GDF1: variants seen among roughly 807,000 people sequenced by gnomAD.
GDF1 encodes the protein growth differentiation factor 1.
Under a neutral mutation model 7.4 loss-of-function variants are expected in GDF1, and 8 were observed. The ratio of observed to expected loss-of-function variants is 1.09; its 90% CI spans 0.64 to 1.96. GDF1 has a LOEUF of 1.96. Ranked by LOEUF, GDF1 falls within the 30% of genes most tolerant of loss-of-function variation. The pLI, the probability that GDF1 is intolerant of heterozygous loss-of-function variation, is 0.00. For synonymous variants in GDF1, 311 were observed against 276.7 expected (o/e 1.12, Z -1.23); for missense variants, 574 against 551.5 (o/e 1.04, Z -0.41).
rs1329759247 is a variant in GDF1 at position 18,869,333 on chromosome 19, G to C, written c.383C>G (p.Thr128Arg). Reference protein sequence around the residue: ...ASAAGHCPEWTVVFDLSAVEP... With the variant: ...ASAAGHCPEWRVVFDLSAVEP... Reference sequence around the variant, plus strand: ...CACAGCCGACAGGTCGAAGACGACTGTCCACTCAGGGCAATGCCCCGCGGC... The same window carrying C: ...CACAGCCGACAGGTCGAAGACGACTCTCCACTCAGGGCAATGCCCCGCGGC... Residue 128 changes from threonine to arginine, a missense_variant, in exon 8 of 8, where the codon ACA becomes AGA. Transcript: ENST00000247005. 6.5e-7 allele frequency: 1 copy of C among 1,528,982 alleles called. No individual in the cohort carries two copies. Among genetic ancestry groups the C allele is most frequent in the Non-Finnish European group, 8.7e-7 (1 of 1,145,096 alleles). The allele number at this position is 1,528,982 out of a possible 1,614,324, so 94.7% of individuals were successfully genotyped here.
intron 6 of GDF1, among the ~76,000 whole-genome samples, chr19:18,871,223 A>AT (rs572877061): frequency 0.017 from 1,988 of 119,752 alleles, 38 homozygotes; most frequent in African/African-American, 0.048. Context: ...ACTCCCAGCA[A>AT]TTTTTTTTTT....
At position 18,878,548 on chromosome 19, in the gene GDF1, A is replaced by C; in HGVS notation, c.-313+382T>G. On this transcript the variant is annotated intron_variant, in intron 6 of 7. Coordinates refer to ENST00000247005, the MANE Select transcript of GDF1 (RefSeq NM_001492.6). This position sits in a 1 kb window ranked among gnomAD's most constrained non-coding sequence, Gnocchi z 4.6. ...TTCCTTCCTCCCCAGCCCCACTGCCACCAGCTCCAGTGGCGACATGGGTCA... is the reference window on the plus strand; with the variant it reads ...TTCCTTCCTCCCCAGCCCCACTGCCCCCAGCTCCAGTGGCGACATGGGTCA... 1 of 1,029,310 alleles carries C rather than the reference A, an allele frequency of 9.7e-7. No individual in the cohort carries two copies. Among genetic ancestry groups the C allele is most frequent in the African/African-American group, 1.7e-5 (1 of 58,400 alleles). The allele number at this position is 1,029,310 out of a possible 1,614,324, so 63.8% of individuals were successfully genotyped here.
In GDF1 at chr19:18,878,535, C is replaced by T; in HGVS notation, c.-313+395G>A. 10 of 1,032,412 alleles carry T rather than the reference C, an allele frequency of 9.7e-6. No individual in the cohort carries two copies. The highest frequency in any genetic ancestry group is 1.2e-5 in the Non-Finnish European group (10 of 857,340). The allele number at this position is 1,032,412 out of a possible 1,614,324, so 64.0% of individuals were successfully genotyped here. A position where few individuals can be genotyped will look rare whatever the true frequency, so the allele number is the denominator to read the frequency against. The stretch of plus-strand genomic sequence containing the variant: ...GTGGCCCTTGGCGTTCCTTCCTCCC[C>T]AGCCCCACTGCCACCAGCTCCAGTG... On this transcript the variant is annotated intron_variant, in intron 6 of 7. Transcript: ENST00000247005. This position sits in a 1 kb window ranked among gnomAD's most constrained non-coding sequence, Gnocchi z 4.6.
chr19:18,878,083 C>T lies in GDF1; in HGVS notation c.-313+847G>A. On this transcript the variant is annotated intron_variant, in intron 6 of 7. Coordinates refer to ENST00000247005, the MANE Select transcript of GDF1 (RefSeq NM_001492.6). The surrounding 1 kb of genome is among the most constrained non-coding windows in gnomAD (Gnocchi z 4.6). ...CCGTTCCAAAAAACGTCACGGAGCTCTGAGCCACTGCTTCCCTGAAACCAT... is the reference window on the plus strand; with the variant it reads ...CCGTTCCAAAAAACGTCACGGAGCTTTGAGCCACTGCTTCCCTGAAACCAT... 1 of 985,572 alleles carries T rather than the reference C, an allele frequency of 1.0e-6. No individual in the cohort carries two copies. The highest frequency in any genetic ancestry group is 1.2e-6 in the Non-Finnish European group (1 of 829,998). The allele number at this position is 985,572 out of a possible 1,614,324, so 61.1% of individuals were successfully genotyped here.
intron 6 of GDF1, among the ~76,000 whole-genome samples, chr19:18,875,489 GC>G (rs1383438958): frequency 2.0e-5 from 3 of 150,684 alleles, no homozygotes; most frequent in African/African-American, 7.3e-5. Flanking sequence ...GTTGCAGTGA[GC>G]TGAGATCACA....
intron 6 of GDF1, among the ~76,000 whole-genome samples, chr19:18,876,536 T>TTGTGTGTGTGTGTG (rs60266196): frequency 5.0e-4 from 72 of 143,274 alleles, no homozygotes; most frequent in African/African-American, 1.8e-3. Flanking sequence ...TTTGATTGGG[T>TTGTGTGTGTGTGTG]TGTGTGTGTG....
At chr19:18,884,988 T>C (rs1334611605) in intron 2 of GDF1, among the ~76,000 whole-genome samples, 2 of 152,106 alleles carry the variant, frequency 1.3e-5, no homozygotes, top group African/African-American at 2.4e-5. Context: ...AGTGCTGGGA[T>C]TACAGGCGTG....
Position 18,870,284 on chromosome 19 carries a change from G to C in GDF1, c.24C>G (p.Pro8=). The C allele has an allele frequency of 1.3e-6, 2 of 1,548,948 alleles. No homozygotes were observed. The highest frequency in any genetic ancestry group is 1.7e-6 in the Non-Finnish European group (2 of 1,148,516). The part of the protein sequence containing the change: MPPPQQG[P]CGHHLLLLLA... ...GGAGGAGGAGGAGGTGGTGGCCGCAGGGACCTTGCTGCGGCGGTGGCATCT... is the reference window on the plus strand; with the variant it reads ...GGAGGAGGAGGAGGTGGTGGCCGCACGGACCTTGCTGCGGCGGTGGCATCT... The change falls in exon 7 of 8, where the codon CCC becomes CCG. Residue 8 remains proline, a synonymous_variant. Transcript: ENST00000247005. This position sits in a 1 kb window ranked among gnomAD's most constrained non-coding sequence, Gnocchi z 5.1.
At chr19:18,869,707 G>C (rs1601145246) in intron 7 of GDF1, among the ~76,000 whole-genome samples, 1 of 132,414 alleles carries the variant, frequency 7.6e-6, no homozygotes, top group East Asian at 2.6e-4. Context: ...GCATCTGCAG[G>C]AAGGCATTAG....
chr19:18,868,687 C>A lies in GDF1; in HGVS notation c.1029G>T (p.Ser343=), dbSNP rs748808313. ...DLPCCVPARL[S]PISVLFFDNS... is the part of the protein sequence containing the mutation. ...TGTCAAAGAAGAGCACGGAGATGGG[C>A]GACAGGCGCGCGGGCACGCAGCAGG... The change falls in exon 8 of 8, where the codon TCG becomes TCT. Residue 343 remains serine (S), a synonymous_variant. Transcript: ENST00000247005. 2 of 1,564,316 alleles carry A rather than the reference C, an allele frequency of 1.3e-6. No homozygotes were observed. The highest frequency in any genetic ancestry group is 2.4e-5 in the East Asian group (1 of 42,324).
At chr19:18,881,408 C>T (rs1403642528) in intron 3 of GDF1, among the ~76,000 whole-genome samples, 2 of 151,860 alleles carry the variant, frequency 1.3e-5, no homozygotes, top group Non-Finnish European at 2.9e-5. Flanking sequence ...TTAGTAGAGA[C>T]GGGGTTTCAC....
rs1248747639 is a variant in GDF1, at chr19:18,869,698, C to T, written c.325+285G>A. 1.3e-4 allele frequency among the ~76,000 whole-genome samples: 16 copies of T among 123,274 alleles called. No homozygotes were observed. The South Asian group carries it at 2.1e-3, about 16-fold the overall frequency. 80.9% of individuals were successfully genotyped at this position (123,274 alleles called of 152,430 possible). A position where few individuals can be genotyped will look rare whatever the true frequency, so the allele number is the denominator to read the frequency against. On this transcript the variant is annotated intron_variant, in intron 7 of 7. Coordinates refer to ENST00000247005, the MANE Select transcript of GDF1 (RefSeq NM_001492.6). ...AAGCCATGCTAGGGTGTGGGGATGG[C>T]ATCTGCAGGAAGGCATTAGTGTCAA...
In GDF1 at chr19:18,868,799, A is replaced by G; in HGVS notation, c.917T>C (p.Leu306Pro). 6.9e-7 allele frequency: 1 copy of G among 1,456,590 alleles called. No homozygotes were observed. The highest frequency in any genetic ancestry group is 9.1e-7 in the Non-Finnish European group (1 of 1,094,212). 90.2% of individuals were successfully genotyped at this position (1,456,590 alleles called of 1,614,324 possible). The change falls in exon 8 of 8, where the codon CTG becomes CCG. Residue 306 changes from leucine (L) to proline (P), a missense_variant. Coordinates refer to ENST00000247005, the MANE Select transcript of GDF1 (RefSeq NM_001492.6). The part of the protein sequence containing the change: ...CQGQCALPVA[L>P]SGSGGPPALN... ...CGCCGGCGGCCCCCCGGACCCCGAC[A>G]GCGCGACGGGCAGCGCGCACTGACC...
In GDF1 at chr19:18,878,880, C is replaced by T. The variant is rs151265092; in HGVS notation, c.-313+50G>A. ...GGGCCTGCCCACGAACACGCTTGGA[C>T]GGGTGACACTAAAGGAGGGAACGCG... On this transcript the variant is annotated intron_variant, in intron 6 of 7. Transcript: ENST00000247005. The surrounding 1 kb of genome is among the most constrained non-coding windows in gnomAD (Gnocchi z 4.6). 4.9e-5 allele frequency: 78 copies of T among 1,598,442 alleles called. No homozygotes were observed. The Admixed American group carries it at 9.3e-4, about 19-fold the overall frequency.
In GDF1 at chr19:18,870,392, G is replaced by C. The variant is rs992138341; in HGVS notation, c.-85C>G. 12 of 1,452,162 alleles carry C rather than the reference G, an allele frequency of 8.3e-6. No individual in the cohort carries two copies. In the African/African-American group the frequency reaches 1.6e-4, roughly 19 times the overall value. The allele number at this position is 1,452,162 out of a possible 1,614,324, so 90.0% of individuals were successfully genotyped here. ...GCTGAGGGCGGGGCCGGTGTCCCCG[G>C]AGGGGCAGGGGTCCTGGGGGGCGTG... On this transcript the variant is annotated 5_prime_UTR_variant, in exon 7 of 8. Coordinates refer to ENST00000247005, the MANE Select transcript of GDF1 (RefSeq NM_001492.6). This position sits in a 1 kb window ranked among gnomAD's most constrained non-coding sequence, Gnocchi z 5.1.
Position 18,868,706 on chromosome 19 carries a change from C to T in GDF1, c.1010G>A (p.Cys337Tyr), listed in dbSNP as rs1337263079. 2 of 1,552,492 alleles carry T rather than the reference C, an allele frequency of 1.3e-6. No individual in the cohort carries two copies. The highest frequency in any genetic ancestry group is 1.7e-6 in the Non-Finnish European group (2 of 1,147,724). ...GATGGGCGACAGGCGCGCGGGCACG[C>T]AGCAGGGCAGGTCGGCGGCTCCCGG... ...AAPGAADLPC[C>Y]VPARLSPISV... The change falls in exon 8 of 8, where the codon TGC (cysteine) becomes TAC (tyrosine). Residue 337 changes from cysteine (C) to tyrosine (Y), a missense_variant. Transcript: ENST00000247005.
rs1337989821 is a variant in GDF1 at position 18,870,128 on chromosome 19, C to CG, written c.179dup (p.Val61GlyfsTer66). 1 of 1,565,984 alleles carries CG rather than the reference C, an allele frequency of 6.4e-7. No individual in the cohort carries two copies. Among genetic ancestry groups the CG allele is most frequent in the Non-Finnish European group, 8.6e-7 (1 of 1,161,300 alleles). ...GGCGTCGAAACAGGCGCCACATGAC[C>CG]GGGGGAACCGGCCGGAGCCTGGGGG... On this transcript the variant is annotated frameshift_variant, in exon 7 of 8. Coordinates refer to ENST00000247005, the MANE Select transcript of GDF1 (RefSeq NM_001492.6). LOFTEE classifies it high-confidence loss of function. This position sits in a 1 kb window ranked among gnomAD's most constrained non-coding sequence, Gnocchi z 5.1.
intron 2 of GDF1, 24 bp downstream of exon 2, chr19:18,893,392 C>A: frequency 6.3e-7 from 1 of 1,586,294 alleles, no homozygotes; most frequent in East Asian, 2.3e-5. Flanking sequence ...AGAGCCCTCC[C>A]GGCCATCCCC....
Position 18,878,567 on chromosome 19 carries a change from T to G in GDF1, c.-313+363A>C. 1 of 1,042,416 alleles carries G rather than the reference T, an allele frequency of 9.6e-7. No individual in the cohort carries two copies. Among genetic ancestry groups the G allele is most frequent in the Non-Finnish European group, 1.2e-6 (1 of 864,074 alleles). The allele number at this position is 1,042,416 out of a possible 1,614,324, so 64.6% of individuals were successfully genotyped here. ...ACTGCCACCAGCTCCAGTGGCGACA[T>G]GGGTCAGAGGTCGTCATCCAGGCTG... On this transcript the variant is annotated intron_variant, in intron 6 of 7. Coordinates refer to ENST00000247005, the MANE Select transcript of GDF1 (RefSeq NM_001492.6). This position sits in a 1 kb window ranked among gnomAD's most constrained non-coding sequence, Gnocchi z 4.6.
Sources: gnomAD v4.1 joint callset for allele counts (sites outside exome capture counted in the v4.1 genomes callset) on GRCh38, gnomAD v4.1.1 for gene constraint, Gnocchi (gnomAD v3.1) non-coding constraint, MANE v1.5 for transcripts, NCBI Gene and HGNC (gene_info 2026-07-23, HGNC 2026-07-21) for gene names.